Variants in CMC4 observed in about 807,000 individuals in gnomAD.
CMC4 encodes cx9C motif-containing protein 4.
In CMC4, 4 loss-of-function variants were observed where a neutral mutation model predicts 5.1. The ratio of observed to expected loss-of-function variants is 0.78; its 90% CI spans 0.38 to 1.78. The LOEUF (loss-of-function observed/expected upper bound fraction) is 1.78. CMC4 is among the 40% of genes most tolerant of loss of function. The pLI is 0.04. For synonymous variants in CMC4, 23 were observed against 18.9 expected (o/e 1.22, Z -0.57); for missense variants, 52 against 51.3 (o/e 1.01, Z -0.04).
chrX:155,068,875 A>T (rs1164075824), intron 1 of CMC4, among the ~76,000 whole-genome samples: 1 of 112,684 alleles, frequency 8.9e-6, no homozygotes, highest in Non-Finnish European at 1.9e-5. Context: ...TACAAGGTGC[A>T]ATACAATACA....
Position 155,061,898 on chromosome X carries a change from G to A in CMC4, c.152C>T (p.Ser51Leu). The change falls in exon 3 of 3, where the codon TCA becomes TTA. Residue 51 changes from serine (S) to leucine (L), a missense_variant. Ser to Leu is a moderately radical substitution (Grantham distance 145). Coordinates refer to ENST00000369484, the MANE Select transcript of CMC4 (RefSeq NM_001018024.3). Reference protein sequence around the residue: ...QYPKGRSVVCSGFEKEEEENL... With the variant: ...QYPKGRSVVCLGFEKEEEENL... Reference sequence around the variant, plus strand: ...TTCTTCCTCTTCTTTTTCAAATCCTGAACAGACGACAGATCTTCCCTTGGG... The same window carrying A: ...TTCTTCCTCTTCTTTTTCAAATCCTAAACAGACGACAGATCTTCCCTTGGG... 1 of 1,211,266 alleles carries A rather than the reference G, an allele frequency of 8.3e-7. No individual in the cohort carries two copies. The highest frequency in any genetic ancestry group is 1.1e-6 in the Non-Finnish European group (1 of 895,280).
At chrX:155,069,618 AGTT>A (rs2073962348) in intron 1 of CMC4, among the ~76,000 whole-genome samples, 2 of 112,094 alleles carry the variant, frequency 1.8e-5, no homozygotes, top group South Asian at 7.4e-4. Context: ...ACAGTGGGGA[AGTT>A]GTTGAGCTTG....
chrX:155,064,052 T>C lies in CMC4; in HGVS notation c.-10-19A>G. ...CAGAAAACTAAAACAAGAAAAATGA[T>C]TTTTATTTTTCTTTTTTCCATAAAG... On this transcript the variant is annotated intron_variant, in intron 1 of 2. Transcript: ENST00000369484. The C allele has an allele frequency of 1.7e-6, 2 of 1,159,057 alleles. No individual in the cohort carries two copies. The highest frequency in any genetic ancestry group is 2.3e-6 in the Non-Finnish European group (2 of 868,856).
chrX:155,064,230 TATAA>T, intron 1 of CMC4, 197 bp from the exon 2 acceptor site: 1 of 300,150 alleles, frequency 3.3e-6, no homozygotes, highest in Non-Finnish European at 5.9e-6. Context: ...GCTTGGAAGA[TATAA>T]ATAGCTTTAC....
chrX:155,068,618 A>G (rs2073957922), intron 1 of CMC4, among the ~76,000 whole-genome samples: 1 of 112,440 alleles, frequency 8.9e-6, no homozygotes, highest in Admixed American at 9.4e-5. Flanking sequence ...TGAGTGGAAA[A>G]ATGTGATTCT....
chrX:155,070,093 A>G (rs782484689), intron 1 of CMC4, among the ~76,000 whole-genome samples: 6 of 112,416 alleles, frequency 5.3e-5, no homozygotes, highest in Non-Finnish European at 1.1e-4. Flanking sequence ...ACAGATCGTT[A>G]GGTAAAAACG....
chrX:155,064,564 T>G (rs1014722971), intron 1 of CMC4: 1 of 112,248 alleles, frequency 8.9e-6, no homozygotes, highest in African/African-American at 3.2e-5. Flanking sequence ...GTATATAAAC[T>G]GTTATAACTA....
chrX:155,061,774 G>A lies in CMC4; in HGVS notation c.*69C>T. On this transcript the variant is annotated 3_prime_UTR_variant, in exon 3 of 3. Transcript: ENST00000369484. Reference sequence around the variant, plus strand: ...TTTCATTTGCTATTTGCTGCTACCTGGCCTGAAGAGTCAGGAGGATAAAAA... The same window carrying A: ...TTTCATTTGCTATTTGCTGCTACCTAGCCTGAAGAGTCAGGAGGATAAAAA... 8.8e-7 allele frequency: 1 copy of A among 1,133,012 alleles called. No individual in the cohort carries two copies. Among genetic ancestry groups the A allele is most frequent in the Non-Finnish European group, 1.2e-6 (1 of 840,404 alleles). The allele number at this position is 1,133,012 out of a possible 1,213,427, so 93.4% of individuals were successfully genotyped here.
chrX:155,062,635 A>G (rs186002014), intron 2 of CMC4, among the ~76,000 whole-genome samples: 36 of 112,027 alleles, frequency 3.2e-4, no homozygotes, highest in African/African-American at 1.2e-3. Context: ...GGTCAGCTGC[A>G]GTTAATGAGT....
At chrX:155,067,599 A>G (rs2073953670) in intron 1 of CMC4, among the ~76,000 whole-genome samples, 1 of 112,075 alleles carries the variant, frequency 8.9e-6, no homozygotes, top group Non-Finnish European at 1.9e-5. Flanking sequence ...TGCCTCCTCT[A>G]TGAAAACTTT....
At chrX:155,062,154 C>T (rs1002504314) in intron 2 of CMC4, among the ~76,000 whole-genome samples, 163 bp from the exon 3 acceptor site, 9 of 112,046 alleles carry the variant, frequency 8.0e-5, no homozygotes, top group Admixed American at 3.8e-4. Context: ...AGAGACCTGT[C>T]GACAGGTTCG....
At chrX:155,062,518 G>A (rs782479146) in intron 2 of CMC4, among the ~76,000 whole-genome samples, 2 of 111,787 alleles carry the variant, frequency 1.8e-5, no homozygotes, top group African/African-American at 6.5e-5. Context: ...AAGGCCTTTG[G>A]CCTCCAAAGC....
intron 1 of CMC4, 79 bp downstream of exon 1, chrX:155,070,615 A>G (rs1285872193): frequency 9.8e-5 from 11 of 112,793 alleles, no homozygotes; most frequent in Non-Finnish European, 1.7e-4. Flanking sequence ...AAGCCTTTGT[A>G]GAAAGTAGCA....
chrX:155,065,338 G>T, intron 1 of CMC4: 1 of 542,391 alleles, frequency 1.8e-6, no homozygotes, highest in Non-Finnish European at 3.1e-6. Flanking sequence ...TGCAGTAGTG[G>T]ATGAAGTGAT....
At position 155,070,699 on chromosome X, in the gene CMC4, TATA is replaced by T. The variant is rs1557292411; in HGVS notation, c.-19_-17del. 2.7e-5 allele frequency: 3 copies of T among 112,345 alleles called. No homozygotes were observed. The highest frequency in any genetic ancestry group is 9.7e-5 in the African/African-American group (3 of 30,864). 9.3% of individuals were successfully genotyped at this position (112,345 alleles called of 1,213,427 possible). ...TTCTGCAAAAGGTTACTCACATGAA[TATA>T]ATGTTTCTTGGGCTAATTAATCCGC... On this transcript the variant is annotated 5_prime_UTR_variant, in exon 1 of 3. Transcript: ENST00000369484.
chrX:155,064,069 T>C (rs202215882), intron 1 of CMC4, 36 bp from the exon 2 acceptor site: 558 of 1,116,989 alleles, frequency 5.0e-4, no homozygotes, highest in Admixed American at 1.1e-3. Context: ...TTTTCTTTTT[T>C]CCATAAAGAC....
chrX:155,062,872 A>G (rs1435296907), intron 2 of CMC4, among the ~76,000 whole-genome samples: 5 of 111,647 alleles, frequency 4.5e-5, no homozygotes, highest in Non-Finnish European at 9.4e-5. Context: ...AATGGGGGTC[A>G]TAGTAGCATC....
At chrX:155,063,338 C>G (rs1221324053) in intron 2 of CMC4, among the ~76,000 whole-genome samples, 1 of 112,190 alleles carries the variant, frequency 8.9e-6, no homozygotes, top group Non-Finnish European at 1.9e-5. Context: ...TATTACTTTA[C>G]TAGTGAGGAA....
At chrX:155,064,202 T>G in intron 1 of CMC4, 169 bp from the exon 2 acceptor site, 1 of 342,976 alleles carries the variant, frequency 2.9e-6, no homozygotes, top group South Asian at 9.0e-5. Context: ...TGTATTTTTA[T>G]AATATCCATT....
Sources: gnomAD v4.1 joint callset for allele counts (sites outside exome capture counted in the v4.1 genomes callset) on GRCh38, gnomAD v4.1.1 for gene constraint, MANE v1.5 for transcripts, NCBI Gene and HGNC (gene_info 2026-07-23, HGNC 2026-07-21) for gene names.